Variants in RANBP2 observed in about 807,000 individuals in gnomAD.
RANBP2 encodes the protein E3 SUMO-protein ligase RanBP2.
RANBP2 carries 57 observed loss-of-function variants against 303.6 expected under a neutral mutation model. The observed-to-expected ratio is 0.19, with a 90% CI of 0.15 to 0.23. RANBP2 has a LOEUF of 0.23. Among genes scored for constraint, RANBP2 ranks in the 10% least tolerant of loss-of-function variants. The probability of loss-of-function intolerance (pLI) is 1.00; values close to 1 mark genes in which losing one functional copy is unlikely to be tolerated. For synonymous variants in RANBP2, 1,167 were observed against 1,301.5 expected (o/e 0.90, Z 2.23); for missense variants, 3,138 against 3,780.8 (o/e 0.83, Z 4.46).
the RANBP2 span, among the ~76,000 whole-genome samples, chr2:109,582,568 T>C: frequency 6.6e-6 from 1 of 152,152 alleles, no homozygotes; most frequent in Non-Finnish European, 1.5e-5. Context: ...CGATCCTCTC[T>C]CCTTGACCTC....
At chr2:109,606,626 A>T in the RANBP2 span, among the ~76,000 whole-genome samples, 5 of 80,966 alleles carry the variant, frequency 6.2e-5, no homozygotes, top group African/African-American at 9.6e-5. Context: ...ATAATAGCTA[A>T]AAAGTTCCCT....
the RANBP2 span, among the ~76,000 whole-genome samples, chr2:109,322,330 C>T: frequency 7.2e-5 from 11 of 152,126 alleles, no homozygotes; most frequent in African/African-American, 1.7e-4. Flanking sequence ...CAGCCAGGGC[C>T]GGCAGAGGCA....
At chr2:108,947,945 A>C in the RANBP2 span, among the ~76,000 whole-genome samples, 1 of 152,114 alleles carries the variant, frequency 6.6e-6, no homozygotes, top group African/African-American at 2.4e-5. Context: ...TAGGTTGCAA[A>C]TTTTCCAAAC....
At chr2:108,782,884 C>T in intron 28 of RANBP2, 22 bp downstream of exon 28, 2 of 1,583,952 alleles carry the variant, frequency 1.3e-6, no homozygotes, top group African/African-American at 1.3e-5. Context: ...TAAGTACATA[C>T]CACAATTGAG....
At chr2:109,468,012 A>G in the RANBP2 span, among the ~76,000 whole-genome samples, 1 of 152,278 alleles carries the variant, frequency 6.6e-6, no homozygotes, top group East Asian at 1.9e-4. Context: ...AAAACATTTC[A>G]GCCCAGAAGT....
At chr2:109,428,312 G>A in the RANBP2 span, among the ~76,000 whole-genome samples, 18 of 152,232 alleles carry the variant, frequency 1.2e-4, no homozygotes, top group Admixed American at 2.0e-4. Context: ...TGATTAGAGC[G>A]GAAGAGAAAT....
At chr2:109,656,552 C>T in the RANBP2 span, among the ~76,000 whole-genome samples, 1 of 152,148 alleles carries the variant, frequency 6.6e-6, no homozygotes, top group Non-Finnish European at 1.5e-5. Flanking sequence ...GTTGGCCAGG[C>T]TGGTCTCGAA....
chr2:109,143,687 G>A, the RANBP2 span, among the ~76,000 whole-genome samples: 2 of 152,090 alleles, frequency 1.3e-5, no homozygotes, highest in African/African-American at 4.8e-5. Context: ...CCAGGAGGTT[G>A]AGGCTGCAGT....
At chr2:109,542,139 G>C in the RANBP2 span, among the ~76,000 whole-genome samples, 3 of 152,144 alleles carry the variant, frequency 2.0e-5, no homozygotes, top group Non-Finnish European at 4.4e-5. Flanking sequence ...TTATTCCCAG[G>C]AGATTATGCC....
At chr2:108,875,861 A>G in the RANBP2 span, among the ~76,000 whole-genome samples, 1 of 152,184 alleles carries the variant, frequency 6.6e-6, no homozygotes, top group African/African-American at 2.4e-5. Flanking sequence ...TTATCTCAAA[A>G]GAAAAAAAAG....
the RANBP2 span, among the ~76,000 whole-genome samples, chr2:109,285,958 A>G: frequency 1.3e-5 from 2 of 152,170 alleles, no homozygotes; most frequent in Admixed American, 1.3e-4. Context: ...CTGGGTTCTG[A>G]GGGTCCATGG....
At chr2:109,032,025 A>G in the RANBP2 span, among the ~76,000 whole-genome samples, 1 of 151,692 alleles carries the variant, frequency 6.6e-6, no homozygotes, top group Non-Finnish European at 1.5e-5. Context: ...TTGGTGTTCA[A>G]ACCCCCTACG....
the RANBP2 span, chr2:109,545,928 C>A: frequency 6.9e-7 from 1 of 1,454,922 alleles, no homozygotes; most frequent in Non-Finnish European, 9.2e-7. Context: ...CAGGAGCTGA[C>A]ATTTAGTTGG....
the RANBP2 span, among the ~76,000 whole-genome samples, chr2:108,941,147 G>A: frequency 4.6e-5 from 7 of 152,364 alleles, no homozygotes; most frequent in East Asian, 1.3e-3. Context: ...TGATGCGTCT[G>A]CGTTGTGGGA....
At chr2:109,023,801 C>T in the RANBP2 span, among the ~76,000 whole-genome samples, 2 of 152,110 alleles carry the variant, frequency 1.3e-5, no homozygotes, top group African/African-American at 4.8e-5. Flanking sequence ...AAAGTTAGAC[C>T]CTATCTCAAA....
chr2:109,241,564 C>T, the RANBP2 span, among the ~76,000 whole-genome samples: 1 of 152,114 alleles, frequency 6.6e-6, no homozygotes, highest in Non-Finnish European at 1.5e-5. Context: ...CAACCTTCTT[C>T]CCTCCCACTT....
At chr2:108,912,149 A>G in the RANBP2 span, among the ~76,000 whole-genome samples, 3 of 152,180 alleles carry the variant, frequency 2.0e-5, no homozygotes, top group African/African-American at 4.8e-5. Flanking sequence ...ACATGCTTCA[A>G]TAATGGGCTG....
At chr2:109,059,451 T>C in the RANBP2 span, among the ~76,000 whole-genome samples, 4,742 of 151,932 alleles carry the variant, frequency 0.031, 238 homozygotes, top group African/African-American at 0.11. Context: ...GGTGGGTGCC[T>C]GTAGTCCCAG....
chr2:108,992,971 C>T, the RANBP2 span, among the ~76,000 whole-genome samples: 42 of 99,902 alleles, frequency 4.2e-4, no homozygotes, highest in Non-Finnish European at 4.5e-4. Flanking sequence ...TCTCAGAGCA[C>T]CCGCTACTCA....
Sources: gnomAD v4.1 joint callset for allele counts (sites outside exome capture counted in the v4.1 genomes callset) on GRCh38, gnomAD v4.1.1 for gene constraint, MANE v1.5 for transcripts, NCBI Gene and HGNC (gene_info 2026-07-23, HGNC 2026-07-21) for gene names.